RAB38: variants seen among roughly 807,000 people sequenced by gnomAD.
The protein encoded by RAB38 is ras-related protein Rab-38.
Under a neutral mutation model 18.4 loss-of-function variants are expected in RAB38, and 15 were observed. The ratio of observed to expected loss-of-function variants is 0.82; its 90% CI spans 0.55 to 1.26. The LOEUF is 1.26. RAB38 is among the 50% of genes most tolerant of loss of function. The probability of loss-of-function intolerance (pLI) is 0.00; values close to 1 mark genes in which losing one functional copy is unlikely to be tolerated. For synonymous variants in RAB38, 101 were observed against 104.4 expected (o/e 0.97, Z 0.20); for missense variants, 294 against 267.4 (o/e 1.10, Z -0.69).
the RAB38 span, among the ~76,000 whole-genome samples, chr11:88,014,787 A>G: frequency 1.3e-3 from 201 of 152,204 alleles, 2 homozygotes; most frequent in Non-Finnish European, 6.3e-4. Flanking sequence ...TTGATGTGCA[A>G]TAAGGCCAGG....
the RAB38 span, among the ~76,000 whole-genome samples, chr11:88,060,804 T>C: frequency 6.6e-6 from 1 of 152,214 alleles, no homozygotes; most frequent in East Asian, 1.9e-4. Flanking sequence ...TAAAAACTAC[T>C]AACTAATGCT....
chr11:88,035,581 G>C, the RAB38 span, among the ~76,000 whole-genome samples: 1 of 152,138 alleles, frequency 6.6e-6, no homozygotes, highest in Non-Finnish European at 1.5e-5. Context: ...CAATATTCAA[G>C]GGCAAGAAGA....
At chr11:88,127,743 C>A (rs902092431) in intron 2 of RAB38, among the ~76,000 whole-genome samples, 2 of 152,140 alleles carry the variant, frequency 1.3e-5, no homozygotes, top group African/African-American at 4.8e-5. Flanking sequence ...AAGGTATTAT[C>A]CTCTCTGATA....
chr11:87,937,350 ATC>A, the RAB38 span, among the ~76,000 whole-genome samples: 882 of 111,376 alleles, frequency 7.9e-3, 25 homozygotes, highest in South Asian at 0.019. Context: ...ATATATATAT[ATC>A]ATAATTCTAT....
the RAB38 span, among the ~76,000 whole-genome samples, chr11:87,819,059 T>G: frequency 2.0e-5 from 3 of 152,216 alleles, no homozygotes; most frequent in Admixed American, 6.5e-5. Context: ...ACGACTCTGA[T>G]AGGTAGACTG....
chr11:87,831,435 A>C, the RAB38 span, among the ~76,000 whole-genome samples: 3 of 152,198 alleles, frequency 2.0e-5, no homozygotes, highest in African/African-American at 7.2e-5. Context: ...GTGCTGCAGG[A>C]ATTCAGATGA....
At chr11:87,910,327 G>T in the RAB38 span, among the ~76,000 whole-genome samples, 268 of 151,962 alleles carry the variant, frequency 1.8e-3, 6 homozygotes, top group East Asian at 0.045. Flanking sequence ...GTTTTCTTTT[G>T]GTTGAATGTT....
At chr11:87,837,520 A>G in the RAB38 span, among the ~76,000 whole-genome samples, 2 of 152,226 alleles carry the variant, frequency 1.3e-5, no homozygotes, top group Non-Finnish European at 2.9e-5. Context: ...TTAGAGAGAT[A>G]CAGCAGTGGT....
chr11:88,175,278 G>T lies in RAB38; in HGVS notation c.107C>A (p.Ser36Ter), dbSNP rs1015886451. The T allele has an allele frequency of 6.2e-7, 1 of 1,614,162 alleles. No homozygotes were observed. Residue 36 changes from serine (S) to a stop codon, truncating the protein, a stop_gained, in exon 1 of 3, where the codon TCG becomes TAG. Transcript: ENST00000243662. LOFTEE classifies it high-confidence loss of function. ...CACGCCGATTGTGGCCCGGTAGTGC[G>T]AAGAGAAGTTCTGGTGCACGTAGCG... Reference protein sequence around the residue: ...IKRYVHQNFSSHYRATIGVDF... With the variant: ...IKRYVHQNFS
the RAB38 span, among the ~76,000 whole-genome samples, chr11:88,086,280 A>G: frequency 1.3e-5 from 2 of 151,898 alleles, no homozygotes; most frequent in Non-Finnish European, 2.9e-5. Flanking sequence ...AATTGCGTAA[A>G]CATATTAAAT....
chr11:88,117,415 G>T (rs368175480), intron 2 of RAB38, among the ~76,000 whole-genome samples: 1 of 152,152 alleles, frequency 6.6e-6, no homozygotes, highest in East Asian at 1.9e-4. Context: ...CAGGTAAAAT[G>T]TCAGTAACCA....
chr11:87,848,574 C>T, the RAB38 span, among the ~76,000 whole-genome samples: 1 of 151,950 alleles, frequency 6.6e-6, no homozygotes, highest in South Asian at 2.1e-4. Context: ...CCTGTATATT[C>T]CACAACAAAA....
Position 88,113,977 on chromosome 11 carries a change from A to G in RAB38, c.*11T>C. The G allele has an allele frequency of 6.2e-7, 1 of 1,614,018 alleles. No homozygotes were observed. Among genetic ancestry groups the G allele is most frequent in the Non-Finnish European group, 8.5e-7 (1 of 1,179,892 alleles). On this transcript the variant is annotated 3_prime_UTR_variant, in exon 3 of 3. Coordinates refer to ENST00000243662, the MANE Select transcript of RAB38 (RefSeq NM_022337.3). ...GAGGTCATTCCTACCAGACACCAGC[A>G]AAGGTGCCTACTAGGATTTGGCACA... is the stretch of plus-strand genomic sequence containing the variant.
chr11:88,115,973 A>G (rs182168273), intron 2 of RAB38: 42 of 152,324 alleles, frequency 2.8e-4, no homozygotes, highest in African/African-American at 1.0e-3. Context: ...TCCTCACTCT[A>G]TGGAATCCAG....
the RAB38 span, among the ~76,000 whole-genome samples, chr11:87,943,218 C>T: frequency 6.6e-6 from 1 of 152,148 alleles, no homozygotes; most frequent in Non-Finnish European, 1.5e-5. Context: ...AGTCCAGATA[C>T]TGGCTCTTCT....
chr11:88,149,941 C>T lies in RAB38; in HGVS notation c.217G>A (p.Gly73Arg), dbSNP rs1007756989. The T allele has an allele frequency of 1.9e-6, 3 of 1,608,906 alleles. No individual in the cohort carries two copies. The highest frequency in any genetic ancestry group is 3.4e-5 in the Admixed American group (2 of 59,054). The change falls in exon 2 of 3, where the codon GGA becomes AGA. Residue 73 changes from glycine to arginine, a missense_variant. Coordinates refer to ENST00000243662, the MANE Select transcript of RAB38 (RefSeq NM_022337.3). ...CGGTAATAGACCCTCGTCATGTTTC[C>T]AAATCTTTCTTGACCTGACACCAAA... ...LWDIAGQERF[G>R]NMTRVYYREA...
the RAB38 span, among the ~76,000 whole-genome samples, chr11:87,954,464 A>AAGATAGAAAAAGAAAGATTT: frequency 6.6e-6 from 1 of 152,178 alleles, no homozygotes; most frequent in African/African-American, 2.4e-5. Context: ...TTGTCACAGA[A>AAGATAGAAAAAGAAAGATTT]AGATAGAAAA....
At chr11:88,072,704 C>T in the RAB38 span, among the ~76,000 whole-genome samples, 97,958 of 151,902 alleles carry the variant, frequency 0.64, 32,093 homozygotes, top group African/African-American at 0.75. Context: ...TATGACTGAG[C>T]GAAAGCAGGG....
rs117404648 is a variant in RAB38 at position 88,141,689 on chromosome 11, G to A, written c.483+7986C>T. Among the ~76,000 whole-genome samples the A allele has an allele frequency of 1.1e-3, 166 of 152,270 alleles. 2 individuals carry two copies. In the East Asian group the frequency reaches 0.027, roughly 24 times the overall value. ...TGGACATGGTTTGACATACCGCAAA[G>A]CTTTGCTCTCTGTTTCCCCTCCACC... On this transcript the variant is annotated intron_variant, in intron 2 of 2. Coordinates refer to ENST00000243662, the MANE Select transcript of RAB38 (RefSeq NM_022337.3).
Sources: allele counts gnomAD v4.1 joint callset (sites outside exome capture counted in the v4.1 genomes callset), GRCh38; gene constraint gnomAD v4.1.1; transcripts MANE v1.5; gene names NCBI Gene and HGNC (gene_info 2026-07-23, HGNC 2026-07-21).